SMAD2: variants seen among roughly 807,000 people sequenced by gnomAD.
SMAD2 encodes the protein SMAD family member 2.
SMAD2 carries 8 observed loss-of-function variants against 64.4 expected under a neutral mutation model. The ratio of observed to expected loss-of-function variants is 0.12; its 90% confidence interval spans 0.07 to 0.22. SMAD2 has a LOEUF of 0.22. SMAD2 is among the 10% of genes least tolerant of loss of function. The pLI is 1.00. For missense variants in SMAD2, 289 were observed against 561.2 expected (o/e 0.51, Z 4.90); for synonymous variants, 203 against 195.8 (o/e 1.04, Z -0.31).
intron 3 of SMAD2, among the ~76,000 whole-genome samples, chr18:47,870,056 AACCT>A (rs1358687377): frequency 6.6e-6 from 1 of 151,500 alleles, no homozygotes; most frequent in African/African-American, 2.4e-5. Flanking sequence ...AAAATGAGTT[AACCT>A]ACTGTTAATT....
rs955156988 is a variant in SMAD2, at chr18:47,811,901, G to C, written c.*29926C>G. On this transcript the variant is annotated 3_prime_UTR_variant, in exon 11 of 11. Coordinates refer to ENST00000262160, the MANE Select transcript of SMAD2 (RefSeq NM_005901.6). ...AAGCACTGCTGGAAATGTTGAAGCA[G>C]ACACAAAGATGTAGCATATATAAAA... The C allele has an allele frequency of 6.6e-6, 1 of 152,176 alleles. No homozygotes were observed. The highest frequency in any genetic ancestry group is 6.5e-5 in the Admixed American group (1 of 15,270). The allele number at this position is 152,176 out of a possible 1,614,324, so 9.4% of individuals were successfully genotyped here. A position where few individuals can be genotyped will look rare whatever the true frequency, so the allele number is the denominator to read the frequency against.
chr18:47,846,807 C>G (rs1914538211), intron 8 of SMAD2, among the ~76,000 whole-genome samples: 1 of 152,258 alleles, frequency 6.6e-6, no homozygotes, highest in East Asian at 1.9e-4. Context: ...GGACTCCTGA[C>G]CCACAGAAAC....
At chr18:47,929,563 C>CT (rs1213821463) in intron 1 of SMAD2, among the ~76,000 whole-genome samples, 2 of 152,168 alleles carry the variant, frequency 1.3e-5, no homozygotes, top group African/African-American at 4.8e-5. Flanking sequence ...GAAAATGCTG[C>CT]TTGCAAATTC....
chr18:47,857,656 G>A (rs979034662), intron 6 of SMAD2, among the ~76,000 whole-genome samples: 1 of 152,186 alleles, frequency 6.6e-6, no homozygotes, highest in African/African-American at 2.4e-5. Flanking sequence ...TTAACAGAGA[G>A]TGGTAATCAC....
intron 6 of SMAD2, among the ~76,000 whole-genome samples, chr18:47,853,687 G>A (rs1373712348): frequency 6.6e-6 from 1 of 152,080 alleles, no homozygotes; most frequent in African/African-American, 2.4e-5. Context: ...GTTTTTAGAA[G>A]ACAGTACGGT....
Position 47,906,354 on chromosome 18 carries a change from T to C in SMAD2, c.-53-9545A>G, listed in dbSNP as rs574456636. ...TAAGGGATACTCAAATCTGTGTATGTAACATAAACCAACAAAATTTAAAAA... is the reference window on the plus strand; with the variant it reads ...TAAGGGATACTCAAATCTGTGTATGCAACATAAACCAACAAAATTTAAAAA... On this transcript the variant is annotated intron_variant, in intron 1 of 10. Coordinates refer to ENST00000262160, the MANE Select transcript of SMAD2 (RefSeq NM_005901.6). 2.6e-5 allele frequency among the ~76,000 whole-genome samples: 4 copies of C among 152,256 alleles called. No individual in the cohort carries two copies. The South Asian group carries it at 8.3e-4, about 32-fold the overall frequency.
chr18:47,873,943 G>T (rs1291641098), intron 2 of SMAD2, among the ~76,000 whole-genome samples: 1 of 152,070 alleles, frequency 6.6e-6, no homozygotes, highest in Non-Finnish European at 1.5e-5. Context: ...TTTGAAAAAA[G>T]AAGGAAGATA....
At chr18:47,899,233 TTG>T (rs1273631176) in intron 1 of SMAD2, among the ~76,000 whole-genome samples, 2 of 152,170 alleles carry the variant, frequency 1.3e-5, no homozygotes, top group African/African-American at 4.8e-5. Context: ...AACATAAGTG[TTG>T]TGTTAGTCAA....
chr18:47,927,743 T>C (rs2034823686), intron 1 of SMAD2, among the ~76,000 whole-genome samples: 1 of 151,800 alleles, frequency 6.6e-6, no homozygotes. Context: ...CTACTAAAAA[T>C]ACAAAATCAG....
intron 7 of SMAD2, 61 bp from the exon 8 acceptor site, chr18:47,848,748 A>G (rs1914781521): frequency 8.5e-7 from 1 of 1,178,960 alleles, no homozygotes; most frequent in Admixed American, 1.9e-5. Flanking sequence ...ATTCAAGCCA[A>G]AAATAGATTT....
At position 47,831,772 on chromosome 18, in the gene SMAD2, C is replaced by T. The variant is rs1403802263; in HGVS notation, c.*10055G>A. On this transcript the variant is annotated 3_prime_UTR_variant, in exon 11 of 11. Transcript: ENST00000262160. ...GTCTCACTATGGCAAAATAGCATGA[C>T]ATTTGTTTTACAAAATCAGTTAAAC... 3.6e-5 allele frequency: 5 copies of T among 138,228 alleles called. No individual in the cohort carries two copies. In the South Asian group the frequency reaches 1.3e-3, roughly 35 times the overall value. 8.6% of individuals were successfully genotyped at this position (138,228 alleles called of 1,614,324 possible). A position where few individuals can be genotyped will look rare whatever the true frequency, so the allele number is the denominator to read the frequency against.
intron 1 of SMAD2, among the ~76,000 whole-genome samples, chr18:47,916,022 T>C (rs2034321072): frequency 6.6e-6 from 1 of 152,350 alleles, no homozygotes; most frequent in Middle Eastern, 3.4e-3. Flanking sequence ...CCATCAAAAT[T>C]ATCATATGGC....
At chr18:47,860,533 T>C (rs72912374) in intron 6 of SMAD2, among the ~76,000 whole-genome samples, 215 of 152,274 alleles carry the variant, frequency 1.4e-3, no homozygotes, top group Non-Finnish European at 2.7e-3. Context: ...TTCTCCAGCA[T>C]TGGCCTCCTA....
intron 3 of SMAD2, 29 bp from the exon 4 acceptor site, chr18:47,869,465 A>G (rs756956072): frequency 4.4e-6 from 6 of 1,359,480 alleles, no homozygotes; most frequent in Non-Finnish European, 3.1e-6. Flanking sequence ...AAAAGAAAGG[A>G]GGGAACTTTA....
intron 1 of SMAD2, among the ~76,000 whole-genome samples, chr18:47,922,233 A>T (rs898970022): frequency 6.6e-6 from 1 of 152,366 alleles, no homozygotes; most frequent in South Asian, 2.1e-4. Flanking sequence ...AACCAAAGTT[A>T]ATTATTTCAA....
chr18:47,887,489 T>C (rs568602739), intron 2 of SMAD2, among the ~76,000 whole-genome samples: 1 of 152,314 alleles, frequency 6.6e-6, no homozygotes, highest in African/African-American at 2.4e-5. Flanking sequence ...CTCTCACCTA[T>C]AGTTAGTTCC....
At chr18:47,860,809 A>C (rs1290418454) in intron 6 of SMAD2, among the ~76,000 whole-genome samples, 1 of 152,200 alleles carries the variant, frequency 6.6e-6, no homozygotes, top group African/African-American at 2.4e-5. Flanking sequence ...GCAGAAAAAA[A>C]ATTTGACAAA....
intron 1 of SMAD2, among the ~76,000 whole-genome samples, chr18:47,905,994 TG>T (rs2033887030): frequency 6.6e-6 from 1 of 151,928 alleles, no homozygotes; most frequent in Non-Finnish European, 1.5e-5. Flanking sequence ...TGGTGCCTCC[TG>T]TGCTCCCAGT....
chr18:47,900,502 C>T (rs1335840240), intron 1 of SMAD2, among the ~76,000 whole-genome samples: 2 of 152,096 alleles, frequency 1.3e-5, no homozygotes, highest in African/African-American at 2.4e-5. Context: ...CTCCCCCTCC[C>T]CATCCTCCTT....
Sources: gnomAD v4.1 joint callset for allele counts (sites outside exome capture counted in the v4.1 genomes callset) on GRCh38, gnomAD v4.1.1 for gene constraint, MANE v1.5 for transcripts, NCBI Gene and HGNC (gene_info 2026-07-23, HGNC 2026-07-21) for gene names.